FIGN: variants seen among roughly 807,000 people sequenced by gnomAD.
The protein encoded by FIGN is fidgetin.
A neutral mutation model predicts 51.3 loss-of-function variants in FIGN; 11 were observed. The ratio of observed to expected loss-of-function variants is 0.21; its 90% CI spans 0.13 to 0.35. FIGN has a LOEUF of 0.35. Among genes scored for constraint, FIGN ranks in the 10% least tolerant of loss-of-function variants. The pLI is 1.00. For synonymous variants in FIGN, 407 were observed against 363.2 expected, an observed-to-expected ratio of 1.12 and a Z score of -1.37; for missense variants, 857 against 943.6, an observed-to-expected ratio of 0.91 and a Z score of 1.20.
Position 163,660,852 on chromosome 2 carries a change from TGTATAC to T in FIGN, c.26-49052_26-49047del, listed in dbSNP as rs1474192280. ...ATGTATACATATATACATATATATA[TGTATAC>T]ATATATATATATATATATATATTTT... On this transcript the variant is annotated intron_variant, in intron 2 of 2. Transcript: ENST00000333129. Among the ~76,000 whole-genome samples the T allele has an allele frequency of 3.8e-4, 22 of 57,716 alleles. 8 individuals carry two copies. The highest frequency in any genetic ancestry group is 6.8e-4 in the Non-Finnish European group (20 of 29,370). The allele number at this position is 57,716 out of a possible 152,430, so 37.9% of individuals were successfully genotyped here. A position where few individuals can be genotyped will look rare whatever the true frequency, so the allele number is the denominator to read the frequency against.
intron 2 of FIGN, among the ~76,000 whole-genome samples, chr2:163,668,880 G>A (rs1683828067): frequency 1.3e-5 from 2 of 151,966 alleles, no homozygotes; most frequent in African/African-American, 2.4e-5. Context: ...GGCGGAGCTT[G>A]CAGTGAGCAG....
chr2:163,667,480 C>T (rs1431397035), intron 2 of FIGN, among the ~76,000 whole-genome samples: 1 of 152,166 alleles, frequency 6.6e-6, no homozygotes, highest in Non-Finnish European at 1.5e-5. Context: ...CTGTCCAAGG[C>T]CTGCATTTCC....
At chr2:163,626,480 T>C (rs959319749) in intron 2 of FIGN, among the ~76,000 whole-genome samples, 3 of 152,202 alleles carry the variant, frequency 2.0e-5, no homozygotes, top group Non-Finnish European at 2.9e-5. Flanking sequence ...GTATGCTTTC[T>C]ATGTTTGCTT....
In FIGN at chr2:163,611,269, C is replaced by A; in HGVS notation, c.563G>T (p.Gly188Val). Residue 188 changes from glycine (G) to valine (V), a missense_variant, in exon 3 of 3, where the codon GGA becomes GTA. Gly to Val is a moderately radical substitution (Grantham distance 109). Around this residue, in one of 3 missense-constraint regions of FIGN, gnomAD observed 799 missense variants for 849.5 expected, o/e 0.94. Coordinates refer to ENST00000333129, the MANE Select transcript of FIGN (RefSeq NM_018086.4). ...AGAATGCAAATATGATCCGTTGTAT[C>A]CTGGGGCATATTCCTGAGATGGGAG... ...AGLPSQEYAP[G>V]YNGSYLHSTY... 1 of 1,614,120 alleles carries A rather than the reference C, an allele frequency of 6.2e-7. No individual in the cohort carries two copies. The highest frequency in any genetic ancestry group is 8.5e-7 in the Non-Finnish European group (1 of 1,180,014).
chr2:163,629,210 T>A (rs189186137), intron 2 of FIGN, among the ~76,000 whole-genome samples: 70 of 152,108 alleles, frequency 4.6e-4, no homozygotes, highest in Non-Finnish European at 8.5e-4. Flanking sequence ...ATTTACAGAG[T>A]ACAAAGAGAA....
chr2:163,729,039 A>T (rs1221771558), intron 2 of FIGN, among the ~76,000 whole-genome samples: 1 of 152,194 alleles, frequency 6.6e-6, no homozygotes, highest in Non-Finnish European at 1.5e-5. Flanking sequence ...ACTATTTCCA[A>T]GAATAATATT....
chr2:163,704,880 T>G (rs1684474252), intron 2 of FIGN, among the ~76,000 whole-genome samples: 1 of 152,038 alleles, frequency 6.6e-6, no homozygotes, highest in Admixed American at 6.6e-5. Flanking sequence ...ATGGCACATC[T>G]TCCAAGGCAA....
chr2:163,686,575 A>G (rs544090561), intron 2 of FIGN, among the ~76,000 whole-genome samples: 81 of 152,212 alleles, frequency 5.3e-4, no homozygotes, highest in African/African-American at 1.7e-3. Context: ...CACATTACAC[A>G]TATAGTCCTA....
chr2:163,627,083 A>G (rs563332762), intron 2 of FIGN, among the ~76,000 whole-genome samples: 6 of 152,294 alleles, frequency 3.9e-5, no homozygotes, highest in Non-Finnish European at 5.9e-5. Flanking sequence ...GACTATAAGT[A>G]TACTCAATTG....
At chr2:163,709,768 C>T (rs1326097545) in intron 2 of FIGN, among the ~76,000 whole-genome samples, 1 of 151,964 alleles carries the variant, frequency 6.6e-6, no homozygotes, top group East Asian at 1.9e-4. Flanking sequence ...GTTGGGTTTT[C>T]TTTTCATATT....
At chr2:163,628,379 G>C (rs1269986166) in intron 2 of FIGN, among the ~76,000 whole-genome samples, 1 of 152,146 alleles carries the variant, frequency 6.6e-6, no homozygotes, top group African/African-American at 2.4e-5. Flanking sequence ...AGCCAAGTAT[G>C]CATGACAGGT....
At chr2:163,630,584 T>C (rs1440344495) in intron 2 of FIGN, among the ~76,000 whole-genome samples, 1 of 151,418 alleles carries the variant, frequency 6.6e-6, no homozygotes. Context: ...AACCTTTCTA[T>C]TGCTATATAT....
At chr2:163,616,405 T>C (rs1682878473) in intron 2 of FIGN, among the ~76,000 whole-genome samples, 1 of 152,216 alleles carries the variant, frequency 6.6e-6, no homozygotes, top group East Asian at 1.9e-4. Flanking sequence ...AGGCACTCAC[T>C]ACCCAACCCA....
intron 2 of FIGN, among the ~76,000 whole-genome samples, chr2:163,727,550 T>C (rs1227691640): frequency 6.6e-6 from 1 of 152,164 alleles, no homozygotes; most frequent in African/African-American, 2.4e-5. Flanking sequence ...AAGTCTCATA[T>C]GTAGCATTTC....
intron 2 of FIGN, among the ~76,000 whole-genome samples, chr2:163,655,664 C>T (rs1161645945): frequency 6.6e-6 from 1 of 151,988 alleles, no homozygotes; most frequent in Non-Finnish European, 1.5e-5. Context: ...GAGGCTGATG[C>T]TATCTCTCTC....
chr2:163,732,618 C>T (rs1452033619), intron 2 of FIGN, among the ~76,000 whole-genome samples: 1 of 152,192 alleles, frequency 6.6e-6, no homozygotes, highest in African/African-American at 2.4e-5. Flanking sequence ...GGGATTTCCC[C>T]TTCAACCTTT....
At position 163,611,374 on chromosome 2, in the gene FIGN, C is replaced by A. The variant is rs970392597; in HGVS notation, c.458G>T (p.Gly153Val). ...AGGTTCTGTCAGGTTGCTGGCTACC[C>A]CAGGAGAGCTTCCTATACTCGCAGA... ...DVSASIGSSP[G>V]VASNLTEPSY... Residue 153 changes from glycine (G) to valine (V), a missense_variant, in exon 3 of 3, where the codon GGG becomes GTG. This residue lies in a region of FIGN where 799 missense variants were observed against 849.5 expected (regional missense o/e 0.94). Transcript: ENST00000333129. 1.2e-6 allele frequency: 2 copies of A among 1,614,000 alleles called. No homozygotes were observed. Among genetic ancestry groups the A allele is most frequent in the African/African-American group, 2.7e-5 (2 of 74,894 alleles).
intron 2 of FIGN, among the ~76,000 whole-genome samples, chr2:163,612,008 A>G (rs1573901666): frequency 1.3e-5 from 2 of 152,346 alleles, no homozygotes; most frequent in South Asian, 2.1e-4. Flanking sequence ...CCTGTTTAAA[A>G]AGCACACTGA....
chr2:163,615,406 C>G (rs769288697), intron 2 of FIGN, among the ~76,000 whole-genome samples: 1 of 152,048 alleles, frequency 6.6e-6, no homozygotes, highest in African/African-American at 2.4e-5. Context: ...AAGTACAGAG[C>G]CTTTTGGTTG....
Sources: allele counts gnomAD v4.1 joint callset (sites outside exome capture counted in the v4.1 genomes callset), GRCh38; gene constraint gnomAD v4.1.1; regional missense constraint gnomAD v4.1.1; transcripts MANE v1.5; gene names NCBI Gene and HGNC (gene_info 2026-07-23, HGNC 2026-07-21).